Variants in APPBP2 observed in about 807,000 individuals in gnomAD.
APPBP2 encodes amyloid beta precursor protein binding protein 2, also known as amyloid protein-binding protein 2.
In APPBP2, 15 loss-of-function variants were observed where a neutral mutation model predicts 76.0. That is an observed-to-expected ratio of 0.20 (90% confidence interval 0.13 to 0.30). The LOEUF is 0.30. Among genes scored for constraint, APPBP2 ranks in the 10% least tolerant of loss-of-function variants. APPBP2 has a pLI of 1.00. For synonymous variants in APPBP2, 222 were observed against 242.2 expected, an observed-to-expected ratio of 0.92 and a Z score of 0.77; for missense variants, 401 against 687.2, an observed-to-expected ratio of 0.58 and a Z score of 4.66.
At chr17:60,505,502 A>G (rs573046161) in intron 1 of APPBP2, among the ~76,000 whole-genome samples, 2 of 151,538 alleles carry the variant, frequency 1.3e-5, no homozygotes, top group East Asian at 2.0e-4. Flanking sequence ...TTTTTAGTAG[A>G]GACGGGGCTT....
chr17:60,451,855 T>G lies in APPBP2; in HGVS notation c.1504+25A>C, dbSNP rs747173768. ...ACATGTTGATTTGTAATCAACTGAC[T>G]AAAGAAAATTTAAATGTAACATACC... On this transcript the variant is annotated intron_variant, in intron 12 of 12. Transcript: ENST00000083182. The G allele has an allele frequency of 2.3e-5, 37 of 1,578,948 alleles. No homozygotes were observed. The South Asian group carries it at 4.1e-4, about 18-fold the overall frequency.
chr17:60,462,339 C>A (rs1018537940), intron 6 of APPBP2: 1 of 304,040 alleles, frequency 3.3e-6, no homozygotes. Context: ...AGCTGGTATA[C>A]CCCCATTTTC....
At position 60,462,069 on chromosome 17, in the gene APPBP2, T is replaced by TAA; in HGVS notation, c.763-10_763-9dup. 1 of 1,609,096 alleles carries TAA rather than the reference T, an allele frequency of 6.2e-7. No homozygotes were observed. The highest frequency in any genetic ancestry group is 1.1e-5 in the South Asian group (1 of 90,946). ...ACGTTTTACTACACAAGCCTAAAGA[T>TAA]AAAGTGAAAAATGGTTAACTCTCAA... is the stretch of plus-strand genomic sequence containing the variant. On this transcript the variant is annotated splice_polypyrimidine_tract_variant and intron_variant, in intron 6 of 12. Transcript: ENST00000083182.
chr17:60,453,592 T>C (rs1197964943), intron 11 of APPBP2, among the ~76,000 whole-genome samples: 6 of 149,534 alleles, frequency 4.0e-5, no homozygotes, highest in African/African-American at 1.5e-4. Context: ...TAGGCTGGAG[T>C]GCAGTGGTGT....
intron 1 of APPBP2, among the ~76,000 whole-genome samples, chr17:60,510,359 T>C (rs2090901836): frequency 6.6e-6 from 1 of 151,962 alleles, no homozygotes; most frequent in Non-Finnish European, 1.5e-5. Context: ...GTCATGATTA[T>C]ACCACTGGAC....
intron 3 of APPBP2, among the ~76,000 whole-genome samples, chr17:60,484,398 T>C (rs1199507156): frequency 5.3e-5 from 8 of 152,208 alleles, no homozygotes; most frequent in Admixed American, 5.2e-4. Flanking sequence ...TCCTCTTTTA[T>C]TTTGTTGAGC....
At chr17:60,487,626 C>A (rs932729811) in intron 3 of APPBP2, among the ~76,000 whole-genome samples, 1 of 152,164 alleles carries the variant, frequency 6.6e-6, no homozygotes, top group South Asian at 2.1e-4. Context: ...AGCTTCCTTG[C>A]GATGGGTTCG....
chr17:60,513,915 T>G (rs2090941242), intron 1 of APPBP2, among the ~76,000 whole-genome samples: 1 of 150,346 alleles, frequency 6.7e-6, no homozygotes, highest in Non-Finnish European at 1.5e-5. Context: ...ATCCTACCCC[T>G]GGAGTAAACA....
chr17:60,480,808 T>C (rs1454664090), intron 3 of APPBP2, among the ~76,000 whole-genome samples: 4 of 152,154 alleles, frequency 2.6e-5, no homozygotes, highest in African/African-American at 7.2e-5. Flanking sequence ...GCTGGCTCCG[T>C]TTGGCTCAGC....
intron 4 of APPBP2, among the ~76,000 whole-genome samples, chr17:60,472,464 C>T (rs1456531292): frequency 6.6e-6 from 1 of 152,154 alleles, no homozygotes; most frequent in Non-Finnish European, 1.5e-5. Flanking sequence ...TCATAGGATT[C>T]ACCTTAAATC....
intron 2 of APPBP2, among the ~76,000 whole-genome samples, chr17:60,498,501 T>A (rs2090795008): frequency 6.6e-6 from 1 of 151,992 alleles, no homozygotes. Flanking sequence ...GCAGCAAGAG[T>A]TATAATAGCT....
chr17:60,472,514 C>T (rs77214709), intron 4 of APPBP2, among the ~76,000 whole-genome samples: 16 of 152,208 alleles, frequency 1.1e-4, no homozygotes, highest in Admixed American at 4.6e-4. Flanking sequence ...GTTCCAAGTC[C>T]CATTTCTGGT....
In APPBP2 at chr17:60,447,542, G is replaced by C. The variant is rs200194471; in HGVS notation, c.*39C>G. On this transcript the variant is annotated 3_prime_UTR_variant, in exon 13 of 13. Transcript: ENST00000083182. The stretch of plus-strand genomic sequence containing the variant: ...TTGATTTCACAGTATGAATTCCCTG[G>C]AATCCGGGAAAAGGTAATTGGTTAA... 10 of 1,557,790 alleles carry C rather than the reference G, an allele frequency of 6.4e-6. No individual in the cohort carries two copies. The highest frequency in any genetic ancestry group is 8.7e-6 in the Non-Finnish European group (10 of 1,153,628).
At chr17:60,463,912 G>T in intron 6 of APPBP2, 109 bp downstream of exon 6, 1 of 670,064 alleles carries the variant, frequency 1.5e-6, no homozygotes, top group Non-Finnish European at 2.4e-6. Context: ...ACAGACCTAT[G>T]CCTACGGAGT....
chr17:60,499,112 C>G (rs1258508314), intron 2 of APPBP2, among the ~76,000 whole-genome samples: 1 of 152,166 alleles, frequency 6.6e-6, no homozygotes, highest in African/African-American at 2.4e-5. Context: ...AAGAGGATCA[C>G]TTGAGCCCAG....
intron 12 of APPBP2, 65 bp from the exon 13 acceptor site, chr17:60,447,899 TA>T (rs1227427222): frequency 1.4e-6 from 2 of 1,424,750 alleles, no homozygotes; most frequent in Non-Finnish European, 1.9e-6. Context: ...GCAATTTCTA[TA>T]ACATGAACAC....
Position 60,461,885 on chromosome 17 carries a change from A to G in APPBP2, c.861T>C (p.Tyr287=). ...RDHFGSKHPK[Y]SDTLLDYGFY... ...ACCCATAATCTAGCAGTGTATCAGA[A>G]TATTTTGGGTGTTTGGATCCAAAAT... The change falls in exon 8 of 13, where the codon TAT becomes TAC. Residue 287 remains tyrosine (Y), a synonymous_variant. Transcript: ENST00000083182. 3.1e-6 allele frequency: 5 copies of G among 1,613,498 alleles called. No homozygotes were observed. The highest frequency in any genetic ancestry group is 4.2e-6 in the Non-Finnish European group (5 of 1,179,688).
In APPBP2 at chr17:60,446,224, T is replaced by C. The variant is rs757011384; in HGVS notation, c.*1357A>G. The C allele has an allele frequency of 1.3e-5, 2 of 152,630 alleles. No individual in the cohort carries two copies. The highest frequency in any genetic ancestry group is 2.9e-5 in the Non-Finnish European group (2 of 68,028). The allele number at this position is 152,630 out of a possible 1,614,324, so 9.5% of individuals were successfully genotyped here. A position where few individuals can be genotyped will look rare whatever the true frequency, so the allele number is the denominator to read the frequency against. On this transcript the variant is annotated 3_prime_UTR_variant, in exon 13 of 13. Coordinates refer to ENST00000083182, the MANE Select transcript of APPBP2 (RefSeq NM_006380.5). ...ATCAGATGGGCTACTACAGTAAGAATTGAGGTAACAGCAAAATACCTTTTT... is the reference window on the plus strand; with the variant it reads ...ATCAGATGGGCTACTACAGTAAGAACTGAGGTAACAGCAAAATACCTTTTT...
At position 60,494,901 on chromosome 17, in the gene APPBP2, C is replaced by T. The variant is rs75658588; in HGVS notation, c.228-284G>A. ...ACTTTTAAAATTGGCTTTTAAAAAC[C>T]AAATTATAATTCACAATAAAAAGGT... is the stretch of plus-strand genomic sequence containing the variant. On this transcript the variant is annotated intron_variant, in intron 2 of 12. Coordinates refer to ENST00000083182, the MANE Select transcript of APPBP2 (RefSeq NM_006380.5). 4.0e-5 allele frequency among the ~76,000 whole-genome samples: 6 copies of T among 151,002 alleles called. No individual in the cohort carries two copies. In the East Asian group the frequency reaches 9.7e-4, roughly 25 times the overall value.
Sources: gnomAD v4.1 joint callset for allele counts (sites outside exome capture counted in the v4.1 genomes callset) on GRCh38, gnomAD v4.1.1 for gene constraint, MANE v1.5 for transcripts, NCBI Gene and HGNC (gene_info 2026-07-23, HGNC 2026-07-21) for gene names.